NRG3: variants seen among roughly 807,000 people sequenced by gnomAD.
The protein encoded by NRG3 is neuregulin 3.
A neutral mutation model predicts 66.9 loss-of-function variants in NRG3; 31 were observed. The ratio of observed to expected loss-of-function variants is 0.46; its 90% CI spans 0.35 to 0.63. NRG3 has a LOEUF of 0.63. Ranked by LOEUF, NRG3 falls within the 20% of genes least tolerant of loss-of-function variation. The probability of loss-of-function intolerance (pLI) is 0.00; values close to 1 mark genes in which losing one functional copy is unlikely to be tolerated. For missense variants in NRG3, 910 were observed against 878.9 expected (o/e 1.04, Z -0.45); for synonymous variants, 393 against 359.4 (o/e 1.09, Z -1.06).
chr10:82,131,313 A>G (rs2068802081), intron 1 of NRG3, among the ~76,000 whole-genome samples: 1 of 151,976 alleles, frequency 6.6e-6, no homozygotes, highest in Non-Finnish European at 1.5e-5. Context: ...TCCCCAATGT[A>G]TGTTCTTAGC....
intron 4 of NRG3, among the ~76,000 whole-genome samples, chr10:82,884,349 T>A (rs953208541): frequency 3.3e-5 from 5 of 152,186 alleles, no homozygotes; most frequent in Non-Finnish European, 5.9e-5. Context: ...TCATCTTTGT[T>A]TTTTCTGTTC....
At chr10:82,635,411 A>G (rs2050122200) in intron 2 of NRG3, among the ~76,000 whole-genome samples, 1 of 152,158 alleles carries the variant, frequency 6.6e-6, no homozygotes, top group Non-Finnish European at 1.5e-5. Context: ...CTGTAAGAAT[A>G]CATGCCCATG....
intron 3 of NRG3, among the ~76,000 whole-genome samples, chr10:82,860,317 A>T: frequency 6.6e-6 from 1 of 152,208 alleles, no homozygotes; most frequent in East Asian, 1.9e-4. Flanking sequence ...CTGCCTGAGG[A>T]TACTTGAAAG....
At chr10:82,645,027 GTT>G (rs1396021736) in intron 2 of NRG3, among the ~76,000 whole-genome samples, 3 of 152,138 alleles carry the variant, frequency 2.0e-5, no homozygotes, top group African/African-American at 7.2e-5. Flanking sequence ...TTGCTTTACA[GTT>G]TTGAGAAAAC....
Position 82,942,766 on chromosome 10 carries a change from C to T in NRG3, c.1055-8703C>T, listed in dbSNP as rs149315431. Among the ~76,000 whole-genome samples, 148 of 152,258 alleles carry T rather than the reference C, an allele frequency of 9.7e-4. No homozygotes were observed. In the East Asian group the frequency reaches 0.027, roughly 28 times the overall value. ...CACCAGCTGTAACTGCTCTTATCCT[C>T]TTATCCATTGTCTTTACCAAGAAAA... On this transcript the variant is annotated intron_variant, in intron 4 of 8. Coordinates refer to ENST00000372141, the MANE Select transcript of NRG3 (RefSeq NM_001010848.4).
chr10:82,170,337 G>A (rs1021792980), intron 1 of NRG3, among the ~76,000 whole-genome samples: 1 of 151,878 alleles, frequency 6.6e-6, no homozygotes, highest in South Asian at 2.1e-4. Flanking sequence ...GCATGTGGCC[G>A]GGTCTTCAGA....
chr10:81,940,590 G>A (rs886620223), intron 1 of NRG3, among the ~76,000 whole-genome samples: 2 of 151,838 alleles, frequency 1.3e-5, no homozygotes, highest in African/African-American at 4.8e-5. Flanking sequence ...TGAACTCCTA[G>A]CCTCAAGCAA....
intron 2 of NRG3, among the ~76,000 whole-genome samples, chr10:82,532,470 T>C: frequency 6.7e-6 from 1 of 148,564 alleles, no homozygotes; most frequent in East Asian, 1.9e-4. Context: ...AATGGATTAC[T>C]ATATATATAG....
chr10:82,937,057 G>A (rs1466864571), intron 4 of NRG3, among the ~76,000 whole-genome samples: 2 of 152,122 alleles, frequency 1.3e-5, no homozygotes, highest in Non-Finnish European at 2.9e-5. Flanking sequence ...GTATGACTCT[G>A]TACCTGAAAC....
chr10:81,924,588 C>T (rs576849051), intron 1 of NRG3, among the ~76,000 whole-genome samples: 1 of 152,222 alleles, frequency 6.6e-6, no homozygotes, highest in Admixed American at 6.5e-5. Flanking sequence ...TGTCCTGTTT[C>T]GACTGGTTTG....
chr10:82,327,914 A>T (rs2081956148), intron 1 of NRG3, among the ~76,000 whole-genome samples: 1 of 152,072 alleles, frequency 6.6e-6, no homozygotes, highest in Non-Finnish European at 1.5e-5. Context: ...GCAATTCTCT[A>T]TCCACATACC....
chr10:82,892,782 C>T (rs1843281250), intron 4 of NRG3, among the ~76,000 whole-genome samples: 1 of 151,526 alleles, frequency 6.6e-6, no homozygotes, highest in Admixed American at 6.6e-5. Context: ...CAAACAATAA[C>T]CAGAGTAATG....
At chr10:82,166,798 T>C (rs1395803502) in intron 1 of NRG3, 1 of 680,008 alleles carries the variant, frequency 1.5e-6, no homozygotes, top group South Asian at 1.6e-5. Context: ...GTAGTGTGGG[T>C]CTGCTGCTGA....
chr10:82,736,136 C>G (rs1361736567), intron 2 of NRG3, among the ~76,000 whole-genome samples: 3 of 152,118 alleles, frequency 2.0e-5, no homozygotes, highest in South Asian at 2.1e-4. Context: ...CAAATACACA[C>G]TCAACTCTCC....
chr10:82,440,626 T>C (rs2090387982), intron 2 of NRG3, among the ~76,000 whole-genome samples: 1 of 152,112 alleles, frequency 6.6e-6, no homozygotes, highest in Non-Finnish European at 1.5e-5. Flanking sequence ...CTTGTGGAGA[T>C]GGTAACTTTT....
chr10:82,742,234 T>C (rs1232741840), intron 3 of NRG3, among the ~76,000 whole-genome samples: 1 of 152,140 alleles, frequency 6.6e-6, no homozygotes, highest in Non-Finnish European at 1.5e-5. Context: ...CAGAAATGTG[T>C]ATCTTTTACA....
At chr10:81,961,063 A>C (rs1208750611) in intron 1 of NRG3, among the ~76,000 whole-genome samples, 4 of 152,162 alleles carry the variant, frequency 2.6e-5, no homozygotes, top group Non-Finnish European at 5.9e-5. Context: ...CCACTGTCTT[A>C]CTTAATGGAC....
intron 3 of NRG3, among the ~76,000 whole-genome samples, chr10:82,820,615 C>G (rs549640325): frequency 6.6e-6 from 1 of 152,192 alleles, no homozygotes; most frequent in Non-Finnish European, 1.5e-5. Flanking sequence ...CCATTTAAAT[C>G]AAAGCCCTTT....
At chr10:82,409,073 C>G (rs2087844020) in intron 2 of NRG3, among the ~76,000 whole-genome samples, 1 of 152,046 alleles carries the variant, frequency 6.6e-6, no homozygotes, top group Non-Finnish European at 1.5e-5. Flanking sequence ...GAAGTTTAGG[C>G]CTTTTTATTT....
Sources: allele counts gnomAD v4.1 joint callset (sites outside exome capture counted in the v4.1 genomes callset), GRCh38; gene constraint gnomAD v4.1.1; transcripts MANE v1.5; gene names NCBI Gene and HGNC (gene_info 2026-07-23, HGNC 2026-07-21).